OGN: variants seen among roughly 807,000 people sequenced by gnomAD.
The protein encoded by OGN is osteoglycin, also known as mimecan.
OGN carries 19 observed loss-of-function variants against 30.8 expected under a neutral mutation model. The observed-to-expected ratio is 0.62, with a 90% confidence interval of 0.43 to 0.90. The LOEUF is 0.90. OGN is among the 40% of genes least tolerant of loss of function. OGN has a pLI of 0.00. For synonymous variants in OGN, 126 were observed against 128.3 expected (o/e 0.98, Z 0.12); for missense variants, 283 against 349.7 (o/e 0.81, Z 1.52).
intron 3 of OGN, among the ~76,000 whole-genome samples, chr9:92,398,808 C>T (rs190775149): frequency 4.3e-4 from 66 of 152,202 alleles, no homozygotes; most frequent in African/African-American, 1.3e-3. Context: ...TGGTGGCTCA[C>T]GCCTGTAATA....
chr9:92,389,713 T>C, intron 5 of OGN, 141 bp downstream of exon 5: 1 of 604,812 alleles, frequency 1.7e-6, no homozygotes, highest in Non-Finnish European at 2.8e-6. Flanking sequence ...AGGATGGTTA[T>C]TTATTATGTA....
chr9:92,391,315 G>A (rs1206609610), intron 4 of OGN, among the ~76,000 whole-genome samples: 14 of 152,126 alleles, frequency 9.2e-5, no homozygotes, highest in African/African-American at 1.4e-4. Context: ...GCTGAGGCAG[G>A]AGAATGGCAT....
chr9:92,404,631 C>A, upstream of OGN: 5 of 1,280,320 alleles, frequency 3.9e-6, no homozygotes, highest in Non-Finnish European at 5.1e-6. Context: ...CAGGGCCCAG[C>A]AGCTTTAAGA....
intron 5 of OGN, among the ~76,000 whole-genome samples, chr9:92,386,797 T>G (rs1291871106): frequency 6.6e-6 from 1 of 152,058 alleles, no homozygotes; most frequent in East Asian, 1.9e-4. Context: ...TTGGCTGGTA[T>G]GGTATCGATT....
chr9:92,396,784 G>T (rs749276186), intron 3 of OGN, among the ~76,000 whole-genome samples: 17 of 151,942 alleles, frequency 1.1e-4, no homozygotes, highest in Non-Finnish European at 2.2e-4. Context: ...GCCCAAGCTG[G>T]TCTCAAACTC....
At chr9:92,392,013 C>T (rs1035648413) in intron 4 of OGN, among the ~76,000 whole-genome samples, 4 of 151,568 alleles carry the variant, frequency 2.6e-5, no homozygotes, top group Non-Finnish European at 4.4e-5. Flanking sequence ...ATGCATTTCT[C>T]GGTGTGATTT....
Position 92,386,272 on chromosome 9 carries a change from A to G in OGN, c.655T>C (p.Tyr219His), listed in dbSNP as rs1313775993. 1 of 1,613,376 alleles carries G rather than the reference A, an allele frequency of 6.2e-7. No individual in the cohort carries two copies. ...GATTCCAGGGCATTATGGTCCAAGT[A>G]GAGGAAGGTGAGGTTATTCAGTTTC... is the stretch of plus-strand genomic sequence containing the variant. ...FKKLNNLTFL[Y>H]LDHNALESVP... Residue 219 changes from tyrosine (Y) to histidine (H), a missense_variant, in exon 6 of 7, where the codon TAC becomes CAC. Coordinates refer to ENST00000375561, the MANE Select transcript of OGN (RefSeq NM_014057.5).
chr9:92,403,465 A>C lies in OGN; in HGVS notation c.-58T>G, dbSNP rs1054977298. 3.3e-6 allele frequency: 5 copies of C among 1,534,122 alleles called. No homozygotes were observed. Among genetic ancestry groups the C allele is most frequent in the Non-Finnish European group, 4.4e-6 (5 of 1,144,024 alleles). On this transcript the variant is annotated 5_prime_UTR_variant, in exon 2 of 7. Coordinates refer to ENST00000375561, the MANE Select transcript of OGN (RefSeq NM_014057.5). ...AAACTAGTGGCCTGCTGACTGTGGG[A>C]CAAAACTCTCTTTTTCCCTGGAAAT...
chr9:92,384,542 A>G lies in OGN; in HGVS notation c.*1078T>C, dbSNP rs1842350124. On this transcript the variant is annotated 3_prime_UTR_variant, in exon 7 of 7. Coordinates refer to ENST00000375561, the MANE Select transcript of OGN (RefSeq NM_014057.5). ...ATTTTAGAAACTTTACTCTGGCACC[A>G]CTGAGTCATCATAAATTATTACTCT... 6.6e-6 allele frequency: 1 copy of G among 152,202 alleles called. No homozygotes were observed. The allele number at this position is 152,202 out of a possible 1,614,324, so 9.4% of individuals were successfully genotyped here. A position where few individuals can be genotyped will look rare whatever the true frequency, so the allele number is the denominator to read the frequency against.
At chr9:92,397,880 TAAAC>T (rs1417632068) in intron 3 of OGN, among the ~76,000 whole-genome samples, 2 of 152,200 alleles carry the variant, frequency 1.3e-5, no homozygotes, top group Non-Finnish European at 2.9e-5. Context: ...CACATAGAGA[TAAAC>T]AGAGAGAAAC....
rs1294412713 is a variant in OGN at position 92,383,837 on chromosome 9, T to C, written c.*1783A>G. The C allele has an allele frequency of 6.6e-6, 1 of 152,166 alleles. No homozygotes were observed. The highest frequency in any genetic ancestry group is 6.5e-5 in the Admixed American group (1 of 15,272). 9.4% of individuals were successfully genotyped at this position (152,166 alleles called of 1,614,324 possible). A position where few individuals can be genotyped will look rare whatever the true frequency, so the allele number is the denominator to read the frequency against. On this transcript the variant is annotated 3_prime_UTR_variant, in exon 7 of 7. Coordinates refer to ENST00000375561, the MANE Select transcript of OGN (RefSeq NM_014057.5). ...TCTTAATTTGAGAGTTATTTGATGG[T>C]GTTTTGCTCCATAAGTTTTATCATA...
chr9:92,388,616 G>A (rs1159928555), intron 5 of OGN, among the ~76,000 whole-genome samples: 5 of 151,594 alleles, frequency 3.3e-5, no homozygotes, highest in Admixed American at 6.6e-5. Context: ...CAAAGTGGGC[G>A]GATCACCTGA....
Position 92,386,432 on chromosome 9 carries a change from CA to C in OGN, c.631-137del, listed in dbSNP as rs1481384078. 3 of 594,568 alleles carry C rather than the reference CA, an allele frequency of 5.0e-6. No homozygotes were observed. In the Admixed American group the frequency reaches 8.8e-5, roughly 17 times the overall value. The allele number at this position is 594,568 out of a possible 1,614,324, so 36.8% of individuals were successfully genotyped here. A position where few individuals can be genotyped will look rare whatever the true frequency, so the allele number is the denominator to read the frequency against. Reference sequence around the variant, plus strand: ...ATTGATATGAATACATCAATTATATCAATTGTTCGTATGGTAGTTTCTTGTT... The same window carrying C: ...ATTGATATGAATACATCAATTATATCATTGTTCGTATGGTAGTTTCTTGTT... On this transcript the variant is annotated intron_variant, in intron 5 of 6. Coordinates refer to ENST00000375561, the MANE Select transcript of OGN (RefSeq NM_014057.5).
intron 4 of OGN, among the ~76,000 whole-genome samples, chr9:92,390,587 T>TGTGTGTGTGTGC (rs749697394): frequency 4.7e-4 from 67 of 141,912 alleles, no homozygotes; most frequent in African/African-American, 1.6e-3. Flanking sequence ...TGTGTGTGTG[T>TGTGTGTGTGTGC]GCGCGCGCGC....
chr9:92,399,768 C>G (rs1022816337), intron 3 of OGN, among the ~76,000 whole-genome samples: 12 of 152,140 alleles, frequency 7.9e-5, no homozygotes, highest in Admixed American at 6.5e-4. Flanking sequence ...ATTTTTGCTT[C>G]AGTGATTTAG....
In OGN at chr9:92,389,875, T is replaced by A. The variant is rs368962175; in HGVS notation, c.609A>T (p.Gly203=). The change falls in exon 5 of 7, where the codon GGA becomes GGT. Residue 203 remains glycine (G), a synonymous_variant. Transcript: ENST00000375561. ...TTACTTTGAATGCATTTGCTTTGAT[T>A]CCCCTACTCTTGATTTTGTTGTATT... The part of the protein sequence containing the change: ...NAKYNKIKSR[G]IKANAFKKLN... The A allele has an allele frequency of 3.8e-5, 61 of 1,611,376 alleles. No homozygotes were observed. In the Middle Eastern group the frequency reaches 8.3e-4, roughly 22 times the overall value.
chr9:92,393,175 G>C lies in OGN; in HGVS notation c.338C>G (p.Ala113Gly). The C allele has an allele frequency of 1.2e-6, 2 of 1,613,594 alleles. No homozygotes were observed. Among genetic ancestry groups the C allele is most frequent in the Non-Finnish European group, 1.7e-6 (2 of 1,179,664 alleles). Residue 113 changes from alanine (A) to glycine (G), a missense_variant, in exon 4 of 7, where the codon GCT (alanine) becomes GGT (glycine). Coordinates refer to ENST00000375561, the MANE Select transcript of OGN (RefSeq NM_014057.5). ...SVYCEEVDID[A>G]VPPLPKESAY... ...TGATTCCTTTGGTAAGGGTGGTACA[G>C]CATCAATGTCAACTTCTTCACAGTA...
Position 92,385,638 on chromosome 9 carries a change from C to T in OGN, c.879G>A (p.Pro293=), listed in dbSNP as rs201234878. 2.2e-5 allele frequency: 36 copies of T among 1,613,838 alleles called. No individual in the cohort carries two copies. The highest frequency in any genetic ancestry group is 8.9e-5 in the East Asian group (4 of 44,888). ...ATAGAGGTTAAAAGTATGACCCTATCGGTAATCTTTTTAAGCAAATAAAAC... is the reference window on the plus strand; with the variant it reads ...ATAGAGGTTAAAAGTATGACCCTATTGGTAATCTTTTTAAGCAAATAAAAC... ...PNSFICLKRL[P]IGSYF The change falls in exon 7 of 7, where the codon CCG becomes CCA. Residue 293 remains proline, a synonymous_variant. Coordinates refer to ENST00000375561, the MANE Select transcript of OGN (RefSeq NM_014057.5).
rs1842335990 is a variant in OGN, at chr9:92,384,082, G to C, written c.*1538C>G. 1 of 152,186 alleles carries C rather than the reference G, an allele frequency of 6.6e-6. No homozygotes were observed. The highest frequency in any genetic ancestry group is 2.1e-4 in the South Asian group (1 of 4,838). The allele number at this position is 152,186 out of a possible 1,614,324, so 9.4% of individuals were successfully genotyped here. ...TATAAAGCTGCATTTTGCGCTCTCA[G>C]TGAGGTTTAAGTCAGGGAAATGAGG... On this transcript the variant is annotated 3_prime_UTR_variant, in exon 7 of 7. Transcript: ENST00000375561.
Sources: gnomAD v4.1 joint callset for allele counts (sites outside exome capture counted in the v4.1 genomes callset) on GRCh38, gnomAD v4.1.1 for gene constraint, MANE v1.5 for transcripts, NCBI Gene and HGNC (gene_info 2026-07-23, HGNC 2026-07-21) for gene names.